ROBO2: variants seen among roughly 807,000 people sequenced by gnomAD.
ROBO2 encodes the protein roundabout guidance receptor 2, also known as roundabout homolog 2.
In ROBO2, 53 loss-of-function variants were observed where a neutral mutation model predicts 160.8. That is an observed-to-expected ratio of 0.33 (90% CI 0.26 to 0.41). ROBO2 has a LOEUF of 0.41. ROBO2 is among the 10% of genes least tolerant of loss of function. ROBO2 has a pLI of 1.00. For missense variants in ROBO2, 1,577 were observed against 1,722.4 expected (o/e 0.92, Z 1.49); for synonymous variants, 664 against 611.7 (o/e 1.09, Z -1.26).
At chr3:77,617,401 C>T (rs544058822) in intron 21 of ROBO2, 112 bp from the exon 23 acceptor site, 40 of 1,223,438 alleles carry the variant, frequency 3.3e-5, no homozygotes, top group African/African-American at 1.8e-4. Flanking sequence ...AGAAATAAAC[C>T]GAGAGAACAT....
intron 2 of ROBO2, among the ~76,000 whole-genome samples, chr3:76,935,086 G>A (rs560752918): frequency 5.7e-4 from 86 of 151,842 alleles, no homozygotes; most frequent in African/African-American, 1.9e-3. Flanking sequence ...TGAGTAACTA[G>A]GACTATAGGC....
chr3:76,870,208 G>A (rs186060281), intron 2 of ROBO2, among the ~76,000 whole-genome samples: 5 of 152,096 alleles, frequency 3.3e-5, no homozygotes, highest in Non-Finnish European at 7.4e-5. Context: ...GAGACAAACC[G>A]CTATGTGGCC....
chr3:76,451,927 A>G (rs1392714283), intron 2 of ROBO2, among the ~76,000 whole-genome samples: 1 of 152,136 alleles, frequency 6.6e-6, no homozygotes, highest in South Asian at 2.1e-4. Context: ...TTGAAAACTC[A>G]TATCTACCAA....
chr3:76,239,408 A>G (rs1156575691), intron 2 of ROBO2, among the ~76,000 whole-genome samples: 1 of 151,994 alleles, frequency 6.6e-6, no homozygotes, highest in African/African-American at 2.4e-5. Flanking sequence ...TAATGTGTAT[A>G]TAAGTATGTA....
rs370785872 is a variant in ROBO2 at position 76,832,556 on chromosome 3, A to G, written c.110-265458A>G. 3.1e-4 allele frequency among the ~76,000 whole-genome samples: 47 copies of G among 152,300 alleles called. No individual in the cohort carries two copies. In the East Asian group the frequency reaches 8.7e-3, roughly 28 times the overall value. On this transcript the variant is annotated intron_variant, in intron 2 of 26. Coordinates refer to the ROBO2 transcript ENST00000487694. ...TTGAGAAAGGGAACTTTCATTGTTG[A>G]CCAGAGTTAATGGAGGTAGGCTTCT...
At chr3:76,697,141 T>C (rs2092945111) in intron 2 of ROBO2, among the ~76,000 whole-genome samples, 1 of 152,206 alleles carries the variant, frequency 6.6e-6, no homozygotes, top group African/African-American at 2.4e-5. Context: ...AGCATTGTCA[T>C]AGCCAGATCT....
intron 2 of ROBO2, among the ~76,000 whole-genome samples, chr3:77,286,134 CATT>C (rs2060576438): frequency 6.6e-6 from 1 of 151,968 alleles, no homozygotes; most frequent in Non-Finnish European, 1.5e-5. Context: ...TTGTTGTAGA[CATT>C]ACCTTATACT....
rs532861393 is a variant in ROBO2, at chr3:77,024,569, T to C, written c.110-73445T>C. Among the ~76,000 whole-genome samples the C allele has an allele frequency of 2.1e-3, 316 of 152,222 alleles. 3 individuals are homozygous for C. Among genetic ancestry groups the C allele is most frequent in the Middle Eastern group, 0.01 (3 of 294 alleles). The stretch of plus-strand genomic sequence containing the variant: ...TAATGTTAAAACTAATGTTAGGGAT[T>C]TGTGGACTCTAACTATACTGAGGGA... On this transcript the variant is annotated intron_variant, in intron 2 of 26. Coordinates refer to the ROBO2 transcript ENST00000487694.
At chr3:77,429,147 T>C (rs1308942479) in intron 2 of ROBO2, among the ~76,000 whole-genome samples, 1 of 152,220 alleles carries the variant, frequency 6.6e-6, no homozygotes, top group Non-Finnish European at 1.5e-5. Context: ...CAGCTATTTA[T>C]ATCCAAAGTG....
At chr3:76,245,127 AT>A (rs1705537776) in intron 2 of ROBO2, among the ~76,000 whole-genome samples, 1 of 152,234 alleles carries the variant, frequency 6.6e-6, no homozygotes, top group African/African-American at 2.4e-5. Flanking sequence ...TTACCAGAAT[AT>A]TTTTAATACT....
At chr3:76,699,959 G>T (rs1265228771) in intron 2 of ROBO2, among the ~76,000 whole-genome samples, 3 of 152,068 alleles carry the variant, frequency 2.0e-5, no homozygotes, top group Non-Finnish European at 2.9e-5. Context: ...GCAACTTATG[G>T]CCTCATGTCC....
At position 77,316,001 on chromosome 3, in the gene ROBO2, T is replaced by A. The variant is rs1307393837; in HGVS notation, c.389-161413T>A. 4.6e-5 allele frequency among the ~76,000 whole-genome samples: 7 copies of A among 152,224 alleles called. No homozygotes were observed. In the East Asian group the frequency reaches 1.4e-3, roughly 29 times the overall value. Reference sequence around the variant, plus strand: ...AATGGAAGACTTTAAAATGTACCCATTAAACTGCTAAAAAACAAATTGAGT... The same window carrying A: ...AATGGAAGACTTTAAAATGTACCCAATAAACTGCTAAAAAACAAATTGAGT... On this transcript the variant is annotated intron_variant, in intron 2 of 25. Coordinates refer to ENST00000461745, the Ensembl canonical transcript of ROBO2.
intron 2 of ROBO2, among the ~76,000 whole-genome samples, chr3:76,512,912 G>A (rs1040906369): frequency 2.6e-5 from 4 of 152,022 alleles, no homozygotes; most frequent in East Asian, 1.9e-4. Flanking sequence ...ACCTCATTTC[G>A]CGGGCTGGGA....
In ROBO2 at chr3:77,060,457, T is replaced by C. The variant is rs115788244; in HGVS notation, c.61+19611T>C. Reference sequence around the variant, plus strand: ...ATTGATATTTACCTAATTCACTTGTTCTTAACACTTGTATTTGGATTGCTC... The same window carrying C: ...ATTGATATTTACCTAATTCACTTGTCCTTAACACTTGTATTTGGATTGCTC... On this transcript the variant is annotated intron_variant, in intron 1 of 25. Coordinates refer to ENST00000461745, the Ensembl canonical transcript of ROBO2. Among the ~76,000 whole-genome samples, 8 of 152,302 alleles carry C rather than the reference T, an allele frequency of 5.3e-5. No homozygotes were observed. The South Asian group carries it at 8.3e-4, about 16-fold the overall frequency.
At chr3:77,584,033 GC>G (rs949859230) in intron 16 of ROBO2, among the ~76,000 whole-genome samples, 7 of 152,206 alleles carry the variant, frequency 4.6e-5, no homozygotes, top group Non-Finnish European at 7.4e-5. Flanking sequence ...TTAAACCTGT[GC>G]TTTCACCAGA....
At chr3:76,895,924 TA>T (rs1222866182) in intron 2 of ROBO2, among the ~76,000 whole-genome samples, 2 of 152,206 alleles carry the variant, frequency 1.3e-5, no homozygotes, top group Non-Finnish European at 2.9e-5. Context: ...CCTTGGAAAG[TA>T]ATAGGACGCT....
intron 2 of ROBO2, among the ~76,000 whole-genome samples, chr3:76,177,817 A>T (rs1211858250): frequency 1.3e-5 from 2 of 152,180 alleles, no homozygotes; most frequent in Non-Finnish European, 1.5e-5. Context: ...TAGGGTTCTA[A>T]GTACCCTACA....
intron 5 of ROBO2, among the ~76,000 whole-genome samples, chr3:77,497,683 G>A (rs1484018723): frequency 6.6e-6 from 1 of 152,056 alleles, no homozygotes; most frequent in Non-Finnish European, 1.5e-5. Context: ...TCTTGATAGA[G>A]TGCCTTCAAT....
At chr3:77,142,287 C>A (rs1051246777) in intron 2 of ROBO2, among the ~76,000 whole-genome samples, 2 of 152,114 alleles carry the variant, frequency 1.3e-5, no homozygotes, top group Non-Finnish European at 2.9e-5. Context: ...TTGATAAAGT[C>A]TTAAACTCTT....
Sources: allele counts gnomAD v4.1 joint callset (sites outside exome capture counted in the v4.1 genomes callset), GRCh38; gene constraint gnomAD v4.1.1; transcripts MANE v1.5; gene names NCBI Gene and HGNC (gene_info 2026-07-23, HGNC 2026-07-21).